The following PSMC6 variants were observed in gnomAD, a reference collection of about 807,000 sequenced individuals.
PSMC6 encodes proteasome 26S subunit, ATPase 6, also known as 26S proteasome regulatory subunit 10B.
A neutral mutation model predicts 55.9 loss-of-function variants in PSMC6; 3 were observed. That is an observed-to-expected ratio of 0.05 (90% CI 0.02 to 0.14). PSMC6 has a LOEUF of 0.14. Ranked by LOEUF, PSMC6 falls within the 10% of genes least tolerant of loss-of-function variation. PSMC6 has a pLI of 1.00. For missense variants in PSMC6, 210 were observed against 478.7 expected (o/e 0.44, Z 5.24); for synonymous variants, 137 against 155.9 (o/e 0.88, Z 0.90).
intron 4 of PSMC6, chr14:52,709,438 C>CTGGG (rs2041741317): frequency 9.9e-6 from 3 of 304,464 alleles, no homozygotes; most frequent in Non-Finnish European, 1.9e-5. Context: ...ATTCACAGAA[C>CTGGG]ATGGCTGTAA....
chr14:52,715,624 T>C (rs1171114618), intron 7 of PSMC6, among the ~76,000 whole-genome samples: 2 of 151,488 alleles, frequency 1.3e-5, no homozygotes, highest in South Asian at 2.1e-4. Context: ...CTTTTCTTTT[T>C]TTTTTTTTTG....
At chr14:52,726,274 G>C (rs1462410643) in intron 13 of PSMC6, among the ~76,000 whole-genome samples, 1 of 152,162 alleles carries the variant, frequency 6.6e-6, no homozygotes, top group Non-Finnish European at 1.5e-5. Context: ...GAAGGTACTT[G>C]TCAAAAAGTT....
intron 12 of PSMC6, 170 bp downstream of exon 12, chr14:52,721,360 T>A: frequency 5.3e-6 from 3 of 562,456 alleles, no homozygotes; most frequent in Admixed American, 3.7e-5. Context: ...CCATTGTAAG[T>A]GTTTTGTAAG....
At chr14:52,722,745 G>T (rs1349559553) in intron 12 of PSMC6, 1 of 152,186 alleles carries the variant, frequency 6.6e-6, no homozygotes, top group Non-Finnish European at 1.5e-5. Flanking sequence ...TGCCTGCCCT[G>T]TGTTTTTGGA....
chr14:52,719,952 T>C (rs2041870431), intron 10 of PSMC6, among the ~76,000 whole-genome samples: 1 of 152,098 alleles, frequency 6.6e-6, no homozygotes, highest in South Asian at 2.1e-4. Flanking sequence ...AGGCCAGGCA[T>C]GGTGGCTTCT....
At chr14:52,709,898 G>T in intron 4 of PSMC6, 1 of 191,774 alleles carries the variant, frequency 5.2e-6, no homozygotes, top group Non-Finnish European at 1.1e-5. Flanking sequence ...TTCAGATTAA[G>T]AATACTCAGC....
At chr14:52,723,885 C>A in intron 12 of PSMC6, 80 bp from the exon 13 acceptor site, 1 of 1,567,790 alleles carries the variant, frequency 6.4e-7, no homozygotes, top group Non-Finnish European at 8.6e-7. Flanking sequence ...GTAAGCTCTT[C>A]AGTTTAAATT....
chr14:52,724,221 A>G (rs571441593), intron 13 of PSMC6, among the ~76,000 whole-genome samples, 185 bp downstream of exon 13: 5 of 152,290 alleles, frequency 3.3e-5, no homozygotes, highest in African/African-American at 1.2e-4. Context: ...GAAAGCTAAT[A>G]TGAGGGTGCA....
chr14:52,721,035 T>C, intron 11 of PSMC6, 54 bp downstream of exon 11: 1 of 1,593,778 alleles, frequency 6.3e-7, no homozygotes. Context: ...CATTTCTTTT[T>C]CCATACTTCA....
chr14:52,712,535 T>G (rs1294624774), intron 6 of PSMC6, among the ~76,000 whole-genome samples: 1 of 152,154 alleles, frequency 6.6e-6, no homozygotes, highest in Non-Finnish European at 1.5e-5. Flanking sequence ...GCAGTATCCT[T>G]TACTGTCTGC....
Position 52,721,148 on chromosome 14 carries a change from C to T in PSMC6, c.937C>T (p.Leu313=), listed in dbSNP as rs775420266. Residue 313 remains leucine, a synonymous_variant, in exon 12 of 14, where the codon CTG becomes TTG. Transcript: ENST00000445930. ...LPNEQARLDI[L]KIHAGPITKH... is the part of the protein sequence containing the mutation. ...AAATGAACAAGCAAGATTAGACATA[C>T]TGAAAATCCATGCAGGTCCCATTAC... 2.5e-6 allele frequency: 4 copies of T among 1,599,962 alleles called. No homozygotes were observed. Among genetic ancestry groups the T allele is most frequent in the Non-Finnish European group, 2.6e-6 (3 of 1,175,434 alleles).
chr14:52,719,030 T>C lies in PSMC6; in HGVS notation c.769T>C (p.Leu257=), dbSNP rs2041860896. The change falls in exon 10 of 14, where the codon TTA becomes CTA. Residue 257 remains leucine (L), a synonymous_variant. Transcript: ENST00000445930. ...TSADREIQRT[L]MELLNQMDGF... ...AGCTGACAGAGAGATTCAGAGAACG[T>C]TAATGGAGGTAATATTTGGTAAAGG... 6.2e-7 allele frequency: 1 copy of C among 1,610,348 alleles called. No homozygotes were observed. The highest frequency in any genetic ancestry group is 8.5e-7 in the Non-Finnish European group (1 of 1,176,612).
intron 1 of PSMC6, 135 bp from the exon 2 acceptor site, chr14:52,708,174 T>G: frequency 1.4e-6 from 1 of 708,118 alleles, no homozygotes; most frequent in Non-Finnish European, 2.4e-6. Context: ...CATTATTTCT[T>G]TTATGGTTTG....
At chr14:52,723,717 T>G (rs1256106351) in intron 12 of PSMC6, 4 of 802,458 alleles carry the variant, frequency 5.0e-6, no homozygotes, top group Admixed American at 3.8e-5. Flanking sequence ...AAAAATAGAT[T>G]AAGATATTTT....
intron 6 of PSMC6, among the ~76,000 whole-genome samples, chr14:52,713,676 A>G (rs2041799484): frequency 6.6e-6 from 1 of 152,164 alleles, no homozygotes; most frequent in African/African-American, 2.4e-5. Context: ...AAAAAACATT[A>G]TTTGAAATTT....
intron 12 of PSMC6, chr14:52,722,631 T>G (rs1232964516): frequency 6.6e-6 from 1 of 152,198 alleles, no homozygotes; most frequent in Non-Finnish European, 1.5e-5. Context: ...GGAAGTGTTC[T>G]TAGAGATTTG....
At chr14:52,710,013 A>G (rs932075883) in intron 4 of PSMC6, 1 of 154,712 alleles carries the variant, frequency 6.5e-6, no homozygotes, top group African/African-American at 2.4e-5. Flanking sequence ...TAATTGTTAT[A>G]TTAATCCTAG....
At chr14:52,710,963 G>A (rs2041765424) in intron 4 of PSMC6, 138 bp from the exon 5 acceptor site, 10 of 676,614 alleles carry the variant, frequency 1.5e-5, no homozygotes, top group Non-Finnish European at 2.3e-5. Flanking sequence ...CATTTTGTTA[G>A]CATAGAGTTT....
At position 52,727,187 on chromosome 14, in the gene PSMC6, A is replaced by AT. The variant is rs1244513996; in HGVS notation, c.1052-297dup. Among the ~76,000 whole-genome samples, 589 of 139,104 alleles carry AT rather than the reference A, an allele frequency of 4.2e-3. 7 individuals are homozygous for AT. Among genetic ancestry groups the AT allele is most frequent in the African/African-American group, 5.7e-3 (217 of 37,924 alleles). 91.3% of individuals were successfully genotyped at this position (139,104 alleles called of 152,430 possible). A position where few individuals can be genotyped will look rare whatever the true frequency, so the allele number is the denominator to read the frequency against. On this transcript the variant is annotated intron_variant, in intron 13 of 13. Transcript: ENST00000445930. ...AGGCGCGCGCCACCATGCCCAGCTAATTTTTTTTTTTTTTTGTATTTTTAG... is the reference window on the plus strand; with the variant it reads ...AGGCGCGCGCCACCATGCCCAGCTAATTTTTTTTTTTTTTTTGTATTTTTAG...
Sources: allele counts gnomAD v4.1 joint callset (sites outside exome capture counted in the v4.1 genomes callset), GRCh38; gene constraint gnomAD v4.1.1; transcripts MANE v1.5; gene names NCBI Gene and HGNC (gene_info 2026-07-23, HGNC 2026-07-21).